EXOC6B: variants seen among roughly 807,000 people sequenced by gnomAD.
EXOC6B encodes SEC15 homolog B.
EXOC6B carries 54 observed loss-of-function variants against 113.5 expected under a neutral mutation model. The observed-to-expected ratio is 0.48, with a 90% confidence interval of 0.38 to 0.60. The LOEUF (loss-of-function observed/expected upper bound fraction) is 0.60, where lower values mean the gene tolerates loss of function less well. EXOC6B is among the 20% of genes least tolerant of loss of function. The pLI is 0.00. For missense variants in EXOC6B, 797 were observed against 977.5 expected (o/e 0.82, Z 2.46); for synonymous variants, 357 against 339.0 (o/e 1.05, Z -0.58).
At chr2:72,668,723 G>T (rs1242099446) in intron 6 of EXOC6B, among the ~76,000 whole-genome samples, 1 of 152,040 alleles carries the variant, frequency 6.6e-6, no homozygotes, top group South Asian at 2.1e-4. Flanking sequence ...CACTGGATAC[G>T]CACAGCCATA....
intron 18 of EXOC6B, among the ~76,000 whole-genome samples, chr2:72,396,512 G>A (rs1233396113): frequency 1.3e-5 from 2 of 152,092 alleles, no homozygotes; most frequent in Non-Finnish European, 2.9e-5. Flanking sequence ...CCACAACAAT[G>A]CTAAAATAAA....
rs76018543 is a variant in EXOC6B, at chr2:72,255,133, A to G, written c.2197-70946T>C. 4.6e-4 allele frequency among the ~76,000 whole-genome samples: 70 copies of G among 152,314 alleles called. 1 individual carries two copies. In the East Asian group the frequency reaches 0.012, roughly 25 times the overall value. On this transcript the variant is annotated intron_variant, in intron 20 of 21. Transcript: ENST00000272427. The stretch of plus-strand genomic sequence containing the variant: ...CATTGATCCACTCAACCATCTCAGC[A>G]GAAGCCAGAAACAGATGGGGTTATC...
intron 20 of EXOC6B, among the ~76,000 whole-genome samples, chr2:72,191,951 A>G (rs1678863669): frequency 1.3e-5 from 2 of 152,224 alleles, no homozygotes; most frequent in Non-Finnish European, 2.9e-5. Flanking sequence ...TTTCTTTGGC[A>G]GAAAGGATTA....
chr2:72,694,314 C>T lies in EXOC6B; in HGVS notation c.669+23789G>A, dbSNP rs147299079. Among the ~76,000 whole-genome samples the T allele has an allele frequency of 1.9e-3, 291 of 152,112 alleles. 8 individuals carry two copies. The highest frequency in any genetic ancestry group is 7.3e-3 in the East Asian group (38 of 5,172). On this transcript the variant is annotated intron_variant, in intron 6 of 21. Transcript: ENST00000272427. ...AAAATTAGCCAGACATGGTGGTGGGCGCCTGTAATCCCAGCTACTCAGGAA... is the reference window on the plus strand; with the variant it reads ...AAAATTAGCCAGACATGGTGGTGGGTGCCTGTAATCCCAGCTACTCAGGAA...
chr2:72,579,950 C>T (rs1705108920), intron 6 of EXOC6B, among the ~76,000 whole-genome samples: 1 of 151,830 alleles, frequency 6.6e-6, no homozygotes, highest in Admixed American at 6.6e-5. Context: ...CAGGTTACTT[C>T]TCTCTGCAAT....
chr2:72,609,445 A>G (rs1031877888), intron 6 of EXOC6B, among the ~76,000 whole-genome samples: 4 of 152,002 alleles, frequency 2.6e-5, no homozygotes, highest in African/African-American at 9.7e-5. Flanking sequence ...ATCTGAAATA[A>G]GGAACTTACT....
At chr2:72,203,980 A>C (rs1679664180) in intron 20 of EXOC6B, among the ~76,000 whole-genome samples, 1 of 152,180 alleles carries the variant, frequency 6.6e-6, no homozygotes, top group South Asian at 2.1e-4. Context: ...GCTGGAAACT[A>C]TAGCATAGCC....
At chr2:72,712,391 G>T (rs1679333427) in intron 6 of EXOC6B, among the ~76,000 whole-genome samples, 1 of 152,188 alleles carries the variant, frequency 6.6e-6, no homozygotes. Context: ...TGGGTCCTTT[G>T]TTCAGAGTCT....
intron 19 of EXOC6B, among the ~76,000 whole-genome samples, chr2:72,365,315 C>A (rs892357259): frequency 3.3e-5 from 5 of 151,390 alleles, no homozygotes; most frequent in African/African-American, 1.2e-4. Flanking sequence ...AACTAATAGG[C>A]ACAGCACTAA....
chr2:72,679,892 A>G (rs983592810), intron 6 of EXOC6B, among the ~76,000 whole-genome samples: 1 of 152,178 alleles, frequency 6.6e-6, no homozygotes, highest in Non-Finnish European at 1.5e-5. Flanking sequence ...TGAACAAATG[A>G]TCCTGGATTG....
At chr2:72,302,756 C>CA (rs1274332441) in intron 20 of EXOC6B, among the ~76,000 whole-genome samples, 2 of 152,010 alleles carry the variant, frequency 1.3e-5, no homozygotes, top group Non-Finnish European at 2.9e-5. Flanking sequence ...GACAGCATAC[C>CA]ACTGAGTCTT....
intron 17 of EXOC6B, among the ~76,000 whole-genome samples, chr2:72,474,477 T>C (rs1397380852): frequency 6.6e-6 from 1 of 152,068 alleles, no homozygotes; most frequent in African/African-American, 2.4e-5. Context: ...GTTTTTTCTT[T>C]TATTTTATAT....
At chr2:72,611,377 C>T (rs1475790449) in intron 6 of EXOC6B, among the ~76,000 whole-genome samples, 1 of 151,510 alleles carries the variant, frequency 6.6e-6, no homozygotes, top group Non-Finnish European at 1.5e-5. Context: ...CAAAAAAAGG[C>T]TTGTCAAGGT....
At chr2:72,721,514 A>T (rs1183846735) in intron 5 of EXOC6B, among the ~76,000 whole-genome samples, 2 of 151,866 alleles carry the variant, frequency 1.3e-5, no homozygotes, top group Non-Finnish European at 2.9e-5. Context: ...ATAATTTGTA[A>T]TACATCAGGG....
rs553278472 is a variant in EXOC6B at position 72,273,021 on chromosome 2, C to T, written c.2196+61926G>A. On this transcript the variant is annotated intron_variant, in intron 20 of 21. Transcript: ENST00000272427. Reference sequence around the variant, plus strand: ...CCCAGTTACAGTCACACTGCCCTTACATCTTTTCACCTGACCTACTTTGAA... The same window carrying T: ...CCCAGTTACAGTCACACTGCCCTTATATCTTTTCACCTGACCTACTTTGAA... Among the ~76,000 whole-genome samples, 6 of 152,280 alleles carry T rather than the reference C, an allele frequency of 3.9e-5. No individual in the cohort carries two copies. The South Asian group carries it at 6.2e-4, about 16-fold the overall frequency.
intron 6 of EXOC6B, among the ~76,000 whole-genome samples, chr2:72,641,798 A>C (rs939538397): frequency 3.9e-5 from 6 of 152,274 alleles, no homozygotes; most frequent in African/African-American, 1.4e-4. Context: ...TAACTGGGAG[A>C]CACCTCCCAG....
chr2:72,772,915 T>C (rs940892365), intron 1 of EXOC6B, among the ~76,000 whole-genome samples: 1 of 151,666 alleles, frequency 6.6e-6, no homozygotes, highest in Non-Finnish European at 1.5e-5. Context: ...AGGAACAAAA[T>C]AAAGCTCCAG....
intron 20 of EXOC6B, among the ~76,000 whole-genome samples, chr2:72,282,393 G>A (rs540677005): frequency 6.6e-6 from 1 of 151,724 alleles, no homozygotes; most frequent in South Asian, 2.1e-4. Context: ...TAGAGTTTAG[G>A]ATAACCAGTA....
At chr2:72,329,385 C>G (rs1308354021) in intron 20 of EXOC6B, among the ~76,000 whole-genome samples, 1 of 152,066 alleles carries the variant, frequency 6.6e-6, no homozygotes, top group South Asian at 2.1e-4. Flanking sequence ...AGCCCCACCT[C>G]CTATGAAGCC....
Sources: allele counts gnomAD v4.1 joint callset (sites outside exome capture counted in the v4.1 genomes callset), GRCh38; gene constraint gnomAD v4.1.1; transcripts MANE v1.5; gene names NCBI Gene and HGNC (gene_info 2026-07-23, HGNC 2026-07-21).